The following TESK2 variants were observed in gnomAD, a reference collection of about 807,000 sequenced individuals.
TESK2 encodes the protein dual specificity testis-specific protein kinase 2.
In TESK2, 39 loss-of-function variants were observed where a neutral mutation model predicts 57.1. That is an observed-to-expected ratio of 0.68 (90% CI 0.53 to 0.89). The LOEUF (loss-of-function observed/expected upper bound fraction) is 0.89, where lower values mean the gene tolerates loss of function less well. Ranked by LOEUF, TESK2 falls within the 40% of genes least tolerant of loss-of-function variation. TESK2 has a pLI of 0.00. For missense variants in TESK2, 646 were observed against 732.1 expected (o/e 0.88, Z 1.36); for synonymous variants, 249 against 267.9 (o/e 0.93, Z 0.69).
chr1:45,388,607 AT>A (rs1297132874), intron 3 of TESK2, among the ~76,000 whole-genome samples: 2 of 152,068 alleles, frequency 1.3e-5, no homozygotes, highest in Non-Finnish European at 1.5e-5. Context: ...AATATTTACT[AT>A]CTAGCCCTTT....
At chr1:45,421,213 G>A (rs1207451568) in intron 3 of TESK2, among the ~76,000 whole-genome samples, 1 of 152,080 alleles carries the variant, frequency 6.6e-6, no homozygotes. Flanking sequence ...CCATGATCAT[G>A]CCACTATACT....
rs542520168 is a variant in TESK2 at position 45,466,522 on chromosome 1, G to A, written c.-86-8651C>T. 1.4e-4 allele frequency among the ~76,000 whole-genome samples: 21 copies of A among 150,884 alleles called. No individual in the cohort carries two copies. In the East Asian group the frequency reaches 2.3e-3, roughly 17 times the overall value. On this transcript the variant is annotated intron_variant, in intron 1 of 10. Transcript: ENST00000372086. ...AAATTACCCAGGCATGGTGGCATGC[G>A]CCTGTAGTCCCAGCTACTCAGGAGG...
At chr1:45,381,695 T>C (rs1385696626) in intron 4 of TESK2, among the ~76,000 whole-genome samples, 1 of 152,042 alleles carries the variant, frequency 6.6e-6, no homozygotes, top group Non-Finnish European at 1.5e-5. Flanking sequence ...GTTTATTGTA[T>C]GCTTTTGAGG....
intron 3 of TESK2, among the ~76,000 whole-genome samples, chr1:45,389,871 CATTATT>C (rs1180430167): frequency 1.3e-5 from 2 of 152,172 alleles, no homozygotes; most frequent in Non-Finnish European, 2.9e-5. Context: ...TTTATTTTAT[CATTATT>C]AACAATCCTA....
chr1:45,387,432 A>C (rs1240757628), intron 3 of TESK2, among the ~76,000 whole-genome samples: 1 of 152,132 alleles, frequency 6.6e-6, no homozygotes, highest in Non-Finnish European at 1.5e-5. Context: ...TAAACGTCTT[A>C]AAGCCATTAA....
chr1:45,421,718 C>A lies in TESK2; in HGVS notation c.344+7G>T. 1 of 1,613,888 alleles carries A rather than the reference C, an allele frequency of 6.2e-7. No individual in the cohort carries two copies. The highest frequency in any genetic ancestry group is 2.2e-5 in the East Asian group (1 of 44,858). ...CTCATTGATCAGAAGGAAGGAAAAG[C>A]CATTACCTAAGGATGTTGGGATGGG... On this transcript the variant is annotated splice_region_variant and intron_variant, in intron 3 of 10. Coordinates refer to ENST00000372086, the MANE Select transcript of TESK2 (RefSeq NM_007170.3).
At chr1:45,362,628 T>A (rs538163748) in intron 4 of TESK2, among the ~76,000 whole-genome samples, 1 of 152,352 alleles carries the variant, frequency 6.6e-6, no homozygotes, top group Admixed American at 6.5e-5. Flanking sequence ...TATTCCTTTT[T>A]GAAAAATCTA....
intron 1 of TESK2, among the ~76,000 whole-genome samples, chr1:45,458,596 C>T (rs1253904743): frequency 6.6e-6 from 1 of 151,834 alleles, no homozygotes; most frequent in African/African-American, 2.4e-5. Flanking sequence ...AGTGCAAAGC[C>T]TGTCTGATTC....
intron 1 of TESK2, among the ~76,000 whole-genome samples, chr1:45,470,823 G>C (rs1652732254): frequency 6.6e-6 from 1 of 152,154 alleles, no homozygotes; most frequent in African/African-American, 2.4e-5. Context: ...GCTTTTCCAA[G>C]TGCTTTACAT....
rs201108031 is a variant in TESK2 at position 45,421,843 on chromosome 1, G to A, written c.226C>T (p.Arg76Ter). ...ATCACCTGACCAGAAGCTCGGTGTC[G>A]TACCTAGAATATTAAATAGAACAAG... ...SGFFSEVFKV[R>*]HRASGQVMAL... The change falls in exon 3 of 11, where the codon CGA becomes TGA. Residue 76 changes from arginine (R) to a stop codon, truncating the protein, a stop_gained. Coordinates refer to ENST00000372086, the MANE Select transcript of TESK2 (RefSeq NM_007170.3). LOFTEE classifies it high-confidence loss of function. 2.1e-5 allele frequency: 34 copies of A among 1,613,688 alleles called. No homozygotes were observed. Among genetic ancestry groups the A allele is most frequent in the Admixed American group, 5.0e-5 (3 of 59,974 alleles).
intron 2 of TESK2, among the ~76,000 whole-genome samples, chr1:45,446,857 G>A (rs1421327784): frequency 6.6e-6 from 1 of 152,140 alleles, no homozygotes; most frequent in Non-Finnish European, 1.5e-5. Context: ...ACAACAGCTA[G>A]TTTAAAAAAG....
chr1:45,431,629 G>T (rs1650969054), intron 2 of TESK2, among the ~76,000 whole-genome samples: 1 of 152,124 alleles, frequency 6.6e-6, no homozygotes, highest in South Asian at 2.1e-4. Context: ...AAACACCTCT[G>T]GTTCCCAGCT....
At chr1:45,434,365 G>C (rs1651101826) in intron 2 of TESK2, among the ~76,000 whole-genome samples, 1 of 151,938 alleles carries the variant, frequency 6.6e-6, no homozygotes, top group Non-Finnish European at 1.5e-5. Context: ...CATGATCACA[G>C]CTCACTCTAG....
intron 4 of TESK2, among the ~76,000 whole-genome samples, chr1:45,365,358 T>C (rs1273788752): frequency 2.6e-5 from 4 of 152,202 alleles, no homozygotes; most frequent in African/African-American, 9.6e-5. Context: ...AAGGGAACAC[T>C]AGTTCTAGCC....
At position 45,490,975 on chromosome 1, in the gene TESK2, G is replaced by T. The variant is rs1653694913; in HGVS notation, c.-210C>A. On this transcript the variant is annotated 5_prime_UTR_variant, in exon 1 of 11. Coordinates refer to ENST00000372086, the MANE Select transcript of TESK2 (RefSeq NM_007170.3). ...CAGCGGCTCCTTAGCCTGCGGAGGC[G>T]GTGGGAGCCCCTAGCGCAGAAGCCG... 1 of 152,366 alleles carries T rather than the reference G, an allele frequency of 6.6e-6. No individual in the cohort carries two copies. Among genetic ancestry groups the T allele is most frequent in the Non-Finnish European group, 1.5e-5 (1 of 68,158 alleles). 9.4% of individuals were successfully genotyped at this position (152,366 alleles called of 1,614,324 possible). A position where few individuals can be genotyped will look rare whatever the true frequency, so the allele number is the denominator to read the frequency against.
intron 2 of TESK2, among the ~76,000 whole-genome samples, chr1:45,444,807 A>G (rs1311945289): frequency 1.3e-5 from 2 of 152,196 alleles, no homozygotes; most frequent in Non-Finnish European, 2.9e-5. Flanking sequence ...AAGCCAAGCT[A>G]ACTATGGGAG....
intron 3 of TESK2, among the ~76,000 whole-genome samples, chr1:45,420,382 G>A (rs1650422182): frequency 1.4e-5 from 2 of 145,326 alleles, no homozygotes; most frequent in Admixed American, 1.4e-4. Flanking sequence ...GAAACTACAG[G>A]CACATGCCAT....
intron 2 of TESK2, among the ~76,000 whole-genome samples, chr1:45,435,039 CT>C (rs1333204685): frequency 1.3e-5 from 2 of 151,188 alleles, no homozygotes; most frequent in Non-Finnish European, 2.9e-5. Flanking sequence ...TCATAATTCA[CT>C]GCAATCTTGA....
chr1:45,367,713 A>G (rs1486397237), intron 4 of TESK2, among the ~76,000 whole-genome samples: 1 of 142,610 alleles, frequency 7.0e-6, no homozygotes, highest in African/African-American at 2.7e-5. Context: ...GCTGCAGTGC[A>G]ATGGAGTGAT....
Sources: allele counts gnomAD v4.1 joint callset (sites outside exome capture counted in the v4.1 genomes callset), GRCh38; gene constraint gnomAD v4.1.1; transcripts MANE v1.5; gene names NCBI Gene and HGNC (gene_info 2026-07-23, HGNC 2026-07-21).